RPS29: variants seen among roughly 807,000 people sequenced by gnomAD.
RPS29 encodes the protein small ribosomal subunit protein uS14.
For synonymous variants in RPS29, 37 were observed against 26.9 expected (o/e 1.37, Z -1.16); for missense variants, 60 against 75.7 (o/e 0.79, Z 0.77).
At chr14:49,592,895 C>T (rs1032149103) in intron 1 of RPS29, among the ~76,000 whole-genome samples, 3 of 141,364 alleles carry the variant, frequency 2.1e-5, no homozygotes, top group South Asian at 2.3e-4. Context: ...GCAGCAAGAG[C>T]GAAACCGCAT....
exon 3 of RPS29, chr14:49,574,217 T>C (rs1054073126): frequency 2.6e-5 from 4 of 152,194 alleles, no homozygotes; most frequent in Non-Finnish European, 5.9e-5. Context: ...TGTTTGGCAA[T>C]GGAGTCTCAG....
At chr14:49,586,146 G>C in intron 1 of RPS29, 97 bp from the exon 2 acceptor site, 2 of 1,392,756 alleles carry the variant, frequency 1.4e-6, no homozygotes, top group Non-Finnish European at 2.0e-6. Context: ...CCAAGCCACA[G>C]TACAGGCCTG....
chr14:49,586,365 A>T lies in RPS29; in HGVS notation c.-19T>A. On this transcript the variant is annotated 5_prime_UTR_variant, in exon 1 of 3. In the 5' UTR this introduces an upstream ATG that the reference lacks. Transcript: ENST00000245458. The stretch of plus-strand genomic sequence containing the variant: ...GACCCATCTTGCTCTCAGCAGTGCA[A>T]CGAGGTAAAAGGAAGAAGCTGGCCC... The T allele has an allele frequency of 6.2e-7, 1 of 1,612,796 alleles. No homozygotes were observed. Among genetic ancestry groups the T allele is most frequent in the Non-Finnish European group, 8.5e-7 (1 of 1,178,736 alleles).
chr14:49,574,786 G>C (rs1287312908), exon 3 of RPS29: 2 of 152,434 alleles, frequency 1.3e-5, no homozygotes, highest in East Asian at 3.9e-4. Flanking sequence ...CACTGGTAAG[G>C]AGGGGTCACC....
upstream of RPS29, among the ~76,000 whole-genome samples, chr14:49,588,687 C>T (rs1245041685): frequency 1.3e-5 from 2 of 151,648 alleles, no homozygotes; most frequent in Non-Finnish European, 1.5e-5. Flanking sequence ...GCCACCACAC[C>T]CGTCTAATTT....
At chr14:49,586,694 A>C, upstream of RPS29, 1 of 279,866 alleles carries the variant, frequency 3.6e-6, no homozygotes, top group Non-Finnish European at 7.2e-6. Flanking sequence ...GGGTGTCCGC[A>C]CTAAGTTCGG....
upstream of RPS29, chr14:49,586,663 C>T (rs186249431): frequency 1.3e-3 from 494 of 381,594 alleles, 5 homozygotes; most frequent in South Asian, 2.0e-3. Flanking sequence ...GAGTTCTGGG[C>T]TGTAGTGCGC....
At chr14:49,586,574 C>A (rs147140275), upstream of RPS29, 146 of 556,966 alleles carry the variant, frequency 2.6e-4, no homozygotes, top group East Asian at 4.4e-3. Context: ...GCGCCGGTAT[C>A]CGACCGCCGG....
exon 3 of RPS29, chr14:49,576,406 T>C (rs1424566965): frequency 6.6e-6 from 1 of 152,140 alleles, no homozygotes; most frequent in Non-Finnish European, 1.5e-5. Flanking sequence ...CCTGGCCTCT[T>C]TTTTTCAATT....
intron 1 of RPS29, chr14:49,598,178 G>A: frequency 1.8e-6 from 1 of 543,016 alleles, no homozygotes; most frequent in Non-Finnish European, 3.2e-6. Flanking sequence ...ATTAGGTTAA[G>A]GTGAGAGAGG....
chr14:49,581,890 G>A (rs1036341884), downstream of RPS29, among the ~76,000 whole-genome samples: 1 of 151,596 alleles, frequency 6.6e-6, no homozygotes. Flanking sequence ...CTGGCATGGT[G>A]GTGTACACCA....
chr14:49,583,688 AAGC>A lies in RPS29; in HGVS notation c.163-16_163-14del, dbSNP rs1881413575. The A allele has an allele frequency of 1.4e-6, 2 of 1,446,406 alleles. No individual in the cohort carries two copies. The highest frequency in any genetic ancestry group is 1.2e-5 in the South Asian group (1 of 83,770). 89.6% of individuals were successfully genotyped at this position (1,446,406 alleles called of 1,614,324 possible). On this transcript the variant is annotated splice_polypyrimidine_tract_variant and intron_variant, in intron 2 of 2. Coordinates refer to ENST00000245458, the MANE Select transcript of RPS29 (RefSeq NM_001032.5). ...GCATTTAGTCCAACTGAAAAAAAAA[AAGC>A]AGATGATTTATTTCAAAATGCTTTA...
At chr14:49,598,372 T>G (rs1881885206) in intron 1 of RPS29, 1 of 664,532 alleles carries the variant, frequency 1.5e-6, no homozygotes, top group African/African-American at 1.8e-5. Flanking sequence ...TCAGGTGCAG[T>G]TAAGCCAGTC....
At chr14:49,581,783 C>CT (rs1354528340), downstream of RPS29, among the ~76,000 whole-genome samples, 2 of 152,088 alleles carry the variant, frequency 1.3e-5, no homozygotes, top group African/African-American at 4.8e-5. Context: ...AATCCCAACA[C>CT]TTTGAGAGAC....
intron 2 of RPS29, among the ~76,000 whole-genome samples, chr14:49,578,317 C>A (rs915139510): frequency 6.6e-6 from 1 of 152,086 alleles, no homozygotes; most frequent in African/African-American, 2.4e-5. Context: ...TTATACACTG[C>A]AGTATCTGGA....
chr14:49,590,688 C>CT (rs541653189), upstream of RPS29, among the ~76,000 whole-genome samples: 5,459 of 143,062 alleles, frequency 0.038, 293 homozygotes, highest in African/African-American at 0.12. Flanking sequence ...AGAATTAGGT[C>CT]TTTTTTTTTT....
chr14:49,589,842 A>G (rs555721182), upstream of RPS29, among the ~76,000 whole-genome samples: 5 of 152,372 alleles, frequency 3.3e-5, no homozygotes, highest in African/African-American at 1.2e-4. Context: ...CATATACACT[A>G]TGGAATGCTA....
chr14:49,584,956 T>C (rs760371852), intron 2 of RPS29, among the ~76,000 whole-genome samples: 6 of 151,552 alleles, frequency 4.0e-5, no homozygotes, highest in Admixed American at 2.6e-4. Flanking sequence ...ATATAAACAC[T>C]AGCTTGACTA....
intron 1 of RPS29, among the ~76,000 whole-genome samples, chr14:49,593,692 C>CAAAAA (rs10647593): frequency 0.29 from 16,121 of 56,116 alleles, 4,443 homozygotes; most frequent in Non-Finnish European, 0.36. Context: ...GACTCTGTCT[C>CAAAAA]AAAAAAAAAA....
Sources: allele counts gnomAD v4.1 joint callset (sites outside exome capture counted in the v4.1 genomes callset), GRCh38; gene constraint gnomAD v4.1.1; transcripts MANE v1.5; gene names NCBI Gene and HGNC (gene_info 2026-07-23, HGNC 2026-07-21).